The following ENTREP2 variants were observed in gnomAD, a reference collection of about 807,000 sequenced individuals.
ENTREP2 encodes endosomal transmembrane epsin interactor 2.
the ENTREP2 span, among the ~76,000 whole-genome samples, chr15:29,219,536 C>G: frequency 6.8e-6 from 1 of 147,000 alleles, no homozygotes; most frequent in Admixed American, 6.9e-5. Flanking sequence ...TATAGCAGCA[C>G]AGTTCGCAAT....
the ENTREP2 span, among the ~76,000 whole-genome samples, chr15:29,598,894 C>T: frequency 6.6e-6 from 1 of 152,124 alleles, no homozygotes; most frequent in African/African-American, 2.4e-5. Flanking sequence ...GACGGGGTTT[C>T]ACCGTGTTAG....
At chr15:29,219,291 TAATCAAAA>T in the ENTREP2 span, among the ~76,000 whole-genome samples, 28 of 152,108 alleles carry the variant, frequency 1.8e-4, no homozygotes, top group African/African-American at 6.3e-4. Flanking sequence ...AGAATGGCCA[TAATCAAAA>T]AATCAAAAAA....
chr15:29,487,990 G>A, the ENTREP2 span, among the ~76,000 whole-genome samples: 4 of 152,182 alleles, frequency 2.6e-5, no homozygotes, highest in African/African-American at 4.8e-5. Flanking sequence ...ACCATGCCTG[G>A]CATGTTCAGT....
chr15:29,235,966 A>AAAAC, the ENTREP2 span, among the ~76,000 whole-genome samples: 4 of 135,024 alleles, frequency 3.0e-5, no homozygotes, highest in African/African-American at 5.3e-5. Context: ...CCATCTCAAA[A>AAAAC]AAAACAAAAC....
chr15:29,542,570 C>T, the ENTREP2 span, among the ~76,000 whole-genome samples: 1 of 152,274 alleles, frequency 6.6e-6, no homozygotes, highest in Admixed American at 6.5e-5. Flanking sequence ...TCCCAAAGTG[C>T]TGGGATTACA....
At chr15:29,495,328 T>C in the ENTREP2 span, among the ~76,000 whole-genome samples, 1 of 152,234 alleles carries the variant, frequency 6.6e-6, no homozygotes, top group Non-Finnish European at 1.5e-5. Flanking sequence ...TTGTTGCCAT[T>C]TGTATGTCTT....
At chr15:29,348,753 C>T in the ENTREP2 span, among the ~76,000 whole-genome samples, 1 of 152,188 alleles carries the variant, frequency 6.6e-6, no homozygotes, top group African/African-American at 2.4e-5. Context: ...CACAAGAATT[C>T]ACAGAAGAAT....
chr15:29,247,747 A>AT, the ENTREP2 span, among the ~76,000 whole-genome samples: 1 of 151,778 alleles, frequency 6.6e-6, no homozygotes, highest in Non-Finnish European at 1.5e-5. Context: ...GTAAAAAAAA[A>AT]GTAGCCCATG....
the ENTREP2 span, among the ~76,000 whole-genome samples, chr15:29,162,466 T>A: frequency 0.76 from 115,678 of 152,020 alleles, 45,864 homozygotes; most frequent in Non-Finnish European, 0.87. Flanking sequence ...GGCGGTTGGA[T>A]GGGGGCATGG....
the ENTREP2 span, among the ~76,000 whole-genome samples, chr15:29,350,346 C>T: frequency 5.3e-5 from 8 of 152,142 alleles, no homozygotes; most frequent in African/African-American, 1.9e-4. Flanking sequence ...ATTTTCCTTT[C>T]ATATTTCTCC....
chr15:29,408,827 C>T, the ENTREP2 span, among the ~76,000 whole-genome samples: 3 of 152,100 alleles, frequency 2.0e-5, no homozygotes, highest in African/African-American at 7.2e-5. Flanking sequence ...TAGCCTGTCA[C>T]GTTAACAATT....
At chr15:29,625,716 A>C in the ENTREP2 span, among the ~76,000 whole-genome samples, 1 of 152,064 alleles carries the variant, frequency 6.6e-6, no homozygotes, top group Non-Finnish European at 1.5e-5. Context: ...GTTTTTAAAG[A>C]AACTTATTTT....
At chr15:29,602,406 C>G in the ENTREP2 span, among the ~76,000 whole-genome samples, 7 of 152,218 alleles carry the variant, frequency 4.6e-5, no homozygotes, top group African/African-American at 1.4e-4. Context: ...CAGACACTCT[C>G]TCTTTTAAAA....
At chr15:29,252,421 T>C in the ENTREP2 span, 12 of 1,551,150 alleles carry the variant, frequency 7.7e-6, no homozygotes. Context: ...CAAGAGAGAA[T>C]TGAACCAGCC....
the ENTREP2 span, among the ~76,000 whole-genome samples, chr15:29,566,206 C>A: frequency 1.3e-5 from 2 of 151,648 alleles, no homozygotes; most frequent in African/African-American, 4.8e-5. Flanking sequence ...ATCGCCCAGG[C>A]TGGAGTGCAG....
chr15:29,421,679 C>T, the ENTREP2 span, among the ~76,000 whole-genome samples: 1,734 of 152,270 alleles, frequency 0.011, 33 homozygotes, highest in African/African-American at 0.04. Context: ...CTACGTAACA[C>T]TAGCATCTAT....
chr15:29,625,861 T>C, the ENTREP2 span, among the ~76,000 whole-genome samples: 1 of 152,054 alleles, frequency 6.6e-6, no homozygotes, highest in Non-Finnish European at 1.5e-5. Context: ...TTTTCTTTTC[T>C]TTTTTATTTT....
chr15:29,346,751 G>A, the ENTREP2 span, among the ~76,000 whole-genome samples: 1 of 152,102 alleles, frequency 6.6e-6, no homozygotes, highest in Non-Finnish European at 1.5e-5. Flanking sequence ...ATTATTTAGT[G>A]AGTTTTCTTT....
At chr15:29,480,760 T>C in the ENTREP2 span, among the ~76,000 whole-genome samples, 6 of 152,064 alleles carry the variant, frequency 3.9e-5, no homozygotes, top group Non-Finnish European at 8.8e-5. Flanking sequence ...GAACATCCCA[T>C]TTCCCGGGCA....
Sources: gnomAD v4.1 joint callset for allele counts (sites outside exome capture counted in the v4.1 genomes callset) on GRCh38, gnomAD v4.1.1 for gene constraint, MANE v1.5 for transcripts, NCBI Gene and HGNC (gene_info 2026-07-23, HGNC 2026-07-21) for gene names.